GCNT1: variants seen among roughly 807,000 people sequenced by gnomAD.
GCNT1 encodes the protein beta-1,3-galactosyl-O-glycosyl-glycoprotein beta-1,6-N-acetylglucosaminyltransferase.
GCNT1 carries 16 observed loss-of-function variants against 26.2 expected under a neutral mutation model. That is an observed-to-expected ratio of 0.61 (90% CI 0.41 to 0.93). The LOEUF (loss-of-function observed/expected upper bound fraction) is 0.93. GCNT1 is among the 40% of genes least tolerant of loss of function. The pLI is 0.00. For missense variants in GCNT1, 477 were observed against 526.7 expected (o/e 0.91, Z 0.92); for synonymous variants, 183 against 190.8 (o/e 0.96, Z 0.34).
At chr9:76,470,530 AG>A (rs1824105155) in intron 2 of GCNT1, among the ~76,000 whole-genome samples, 1 of 150,474 alleles carries the variant, frequency 6.6e-6, no homozygotes, top group African/African-American at 2.4e-5. Context: ...GCTTAAGCCC[AG>A]GAGTCGAGGC....
chr9:76,478,446 T>A (rs1824315644), intron 2 of GCNT1, among the ~76,000 whole-genome samples: 1 of 152,072 alleles, frequency 6.6e-6, no homozygotes, highest in African/African-American at 2.4e-5. Context: ...TCAGGACACA[T>A]CTGAACATCT....
At chr9:76,398,293 G>A in the GCNT1 span, among the ~76,000 whole-genome samples, 1 of 152,176 alleles carries the variant, frequency 6.6e-6, no homozygotes, top group East Asian at 1.9e-4. Context: ...ATGAGCAAAA[G>A]ATCTGAATAA....
At chr9:76,470,989 A>G (rs1385737673) in intron 2 of GCNT1, among the ~76,000 whole-genome samples, 5 of 152,204 alleles carry the variant, frequency 3.3e-5, no homozygotes, top group Non-Finnish European at 7.3e-5. Context: ...TAATCCTTTC[A>G]TATAGGTGGA....
intron 2 of GCNT1, among the ~76,000 whole-genome samples, chr9:76,472,494 T>C (rs954424574): frequency 6.6e-6 from 1 of 152,228 alleles, no homozygotes; most frequent in Non-Finnish European, 1.5e-5. Flanking sequence ...TTGACCCTTA[T>C]GCCCCAGGGC....
At chr9:76,443,946 G>A (rs137977924) in intron 1 of GCNT1, among the ~76,000 whole-genome samples, 3,331 of 65,692 alleles carry the variant, frequency 0.051, 67 homozygotes, top group African/African-American at 0.091. Flanking sequence ...AGGAAGGAAG[G>A]AAGGAAGGAA....
Position 76,469,703 on chromosome 9 carries a change from C to A in GCNT1, c.-290+9526C>A, listed in dbSNP as rs560499628. 3.3e-5 allele frequency among the ~76,000 whole-genome samples: 5 copies of A among 152,318 alleles called. No homozygotes were observed. The South Asian group carries it at 1.0e-3, about 32-fold the overall frequency. On this transcript the variant is annotated intron_variant, in intron 2 of 3. Coordinates refer to ENST00000376730, the MANE Select transcript of GCNT1 (RefSeq NM_001490.5). ...CCGCTGTGCTCCTGATCCAGCGAGGCGCCCATTGCCGCTCCCGATCGGGCT... is the reference window on the plus strand; with the variant it reads ...CCGCTGTGCTCCTGATCCAGCGAGGAGCCCATTGCCGCTCCCGATCGGGCT...
At chr9:76,436,603 A>G (rs997478707) in intron 1 of GCNT1, among the ~76,000 whole-genome samples, 1 of 151,228 alleles carries the variant, frequency 6.6e-6, no homozygotes, top group African/African-American at 2.4e-5. Context: ...CATCTCAAAA[A>G]AAAAAAAAAA....
At chr9:76,494,063 T>A (rs1824830107) in intron 2 of GCNT1, among the ~76,000 whole-genome samples, 1 of 151,780 alleles carries the variant, frequency 6.6e-6, no homozygotes, top group Non-Finnish European at 1.5e-5. Flanking sequence ...GCGGTTTTGG[T>A]TTGTTCCCCG....
At chr9:76,460,954 T>G (rs183676840) in intron 2 of GCNT1, among the ~76,000 whole-genome samples, 1 of 152,346 alleles carries the variant, frequency 6.6e-6, no homozygotes, top group East Asian at 1.9e-4. Flanking sequence ...TTCCACTCAC[T>G]TTTTAAGGAG....
At chr9:76,500,682 C>T (rs113208840) in intron 2 of GCNT1, among the ~76,000 whole-genome samples, 58 of 152,160 alleles carry the variant, frequency 3.8e-4, no homozygotes, top group Non-Finnish European at 6.8e-4. Context: ...AGTTTTCTTT[C>T]AAAGAACTTA....
At position 76,507,050 on chromosome 9, in the gene GCNT1, A is replaced by G. The variant is rs942577667; in HGVS notation, c.*3382A>G. ...CATAACTTAGCCAAGCCTACCTTAA[A>G]TGTTCTCAGAACATTTAGCCTGCAG... On this transcript the variant is annotated 3_prime_UTR_variant, in exon 4 of 4. Coordinates refer to ENST00000376730, the MANE Select transcript of GCNT1 (RefSeq NM_001490.5). The G allele has an allele frequency of 1.8e-5, 3 of 167,084 alleles. No individual in the cohort carries two copies. Among genetic ancestry groups the G allele is most frequent in the Admixed American group, 1.3e-4 (2 of 15,290 alleles). 10.4% of individuals were successfully genotyped at this position (167,084 alleles called of 1,614,324 possible).
At chr9:76,497,254 A>G (rs758073448) in intron 2 of GCNT1, among the ~76,000 whole-genome samples, 12 of 152,200 alleles carry the variant, frequency 7.9e-5, no homozygotes, top group Non-Finnish European at 1.5e-4. Context: ...TTGCATTAAA[A>G]TAGTATAGCA....
chr9:76,423,620 A>G (rs1283670541), intron 1 of GCNT1, among the ~76,000 whole-genome samples: 1 of 152,244 alleles, frequency 6.6e-6, no homozygotes, highest in African/African-American at 2.4e-5. Context: ...AGAATCACTT[A>G]ATTTGTACTG....
chr9:76,413,672 T>TG, the GCNT1 span, among the ~76,000 whole-genome samples: 41 of 70,668 alleles, frequency 5.8e-4, no homozygotes, highest in South Asian at 1.2e-3. Context: ...TTTTTTGTTT[T>TG]TTTTTTTTTT....
chr9:76,413,337 TC>T, the GCNT1 span, among the ~76,000 whole-genome samples: 1 of 152,172 alleles, frequency 6.6e-6, no homozygotes, highest in East Asian at 1.9e-4. Context: ...CACTTAGACA[TC>T]CAGCTGTTTG....
At chr9:76,480,775 C>T (rs545955413) in intron 2 of GCNT1, among the ~76,000 whole-genome samples, 74 of 152,254 alleles carry the variant, frequency 4.9e-4, no homozygotes, top group African/African-American at 1.7e-3. Flanking sequence ...TAGAACTTTT[C>T]ATGTCATTAA....
chr9:76,462,414 T>C (rs763985360), intron 2 of GCNT1, among the ~76,000 whole-genome samples: 3 of 152,338 alleles, frequency 2.0e-5, no homozygotes, highest in Admixed American at 6.5e-5. Context: ...CCTTTCTCAA[T>C]TGTGGCACTT....
intron 2 of GCNT1, among the ~76,000 whole-genome samples, chr9:76,468,490 G>C (rs889437086): frequency 5.3e-5 from 8 of 152,120 alleles, no homozygotes; most frequent in Admixed American, 2.0e-4. Context: ...ATGTTTGATG[G>C]TTACCTTTTG....
At chr9:76,395,321 A>AT in the GCNT1 span, among the ~76,000 whole-genome samples, 6 of 152,000 alleles carry the variant, frequency 3.9e-5, no homozygotes, top group Non-Finnish European at 5.9e-5. Context: ...GAGAAGTTTA[A>AT]TTTTTTTCTT....
Sources: gnomAD v4.1 joint callset for allele counts (sites outside exome capture counted in the v4.1 genomes callset) on GRCh38, gnomAD v4.1.1 for gene constraint, MANE v1.5 for transcripts, NCBI Gene and HGNC (gene_info 2026-07-23, HGNC 2026-07-21) for gene names.